The following CHFR variants were observed in gnomAD, a reference collection of about 807,000 sequenced individuals.
CHFR encodes checkpoint with forkhead and ring finger domains.
CHFR carries 57 observed loss-of-function variants against 87.6 expected under a neutral mutation model. The ratio of observed to expected loss-of-function variants is 0.65; its 90% confidence interval spans 0.53 to 0.81. CHFR has a LOEUF of 0.81. CHFR is among the 30% of genes least tolerant of loss of function. The pLI is 0.00. For missense variants in CHFR, 797 were observed against 865.8 expected (o/e 0.92, Z 1.00); for synonymous variants, 381 against 359.2 (o/e 1.06, Z -0.69).
rs546533609 is a variant in CHFR at position 132,837,670 on chromosome 12, G to C, written c.*3884C>G. 3 of 152,326 alleles carry C rather than the reference G, an allele frequency of 2.0e-5. No individual in the cohort carries two copies. Among genetic ancestry groups the C allele is most frequent in the Non-Finnish European group, 2.9e-5 (2 of 68,126 alleles). The allele number at this position is 152,326 out of a possible 1,614,324, so 9.4% of individuals were successfully genotyped here. A position where few individuals can be genotyped will look rare whatever the true frequency, so the allele number is the denominator to read the frequency against. Reference sequence around the variant, plus strand: ...AGGCGTTTCTGGAGGTGGCTCCCCCGAAGATCACCCGGCTCCGTCCTGCTG... The same window carrying C: ...AGGCGTTTCTGGAGGTGGCTCCCCCCAAGATCACCCGGCTCCGTCCTGCTG... On this transcript the variant is annotated 3_prime_UTR_variant, in exon 18 of 18. Transcript: ENST00000450056.
At chr12:132,851,954 G>C (rs1950956217) in intron 11 of CHFR, among the ~76,000 whole-genome samples, 1 of 152,020 alleles carries the variant, frequency 6.6e-6, no homozygotes, top group Non-Finnish European at 1.5e-5. Flanking sequence ...TGATTTAGCA[G>C]CTGGAGCAAG....
Position 132,859,178 on chromosome 12 carries a change from T to G in CHFR, c.801A>C (p.Arg267Ser). ...NGQLLVAQPR[R>S]NAQTVHEDVR... ...CGTCCTCGTGGACGGTTTGGGCATT[T>G]CTACGCGGTTGTGCGACCAACAACT... The change falls in exon 8 of 18, where the codon AGA (arginine) becomes AGC (serine). Residue 267 changes from arginine to serine, a missense_variant. Arg to Ser is a moderately radical substitution (Grantham distance 110). Coordinates refer to ENST00000450056, the MANE Select transcript of CHFR (RefSeq NM_001161346.2). The G allele has an allele frequency of 6.2e-7, 1 of 1,614,052 alleles. No homozygotes were observed.
intron 3 of CHFR, among the ~76,000 whole-genome samples, chr12:132,877,281 A>T (rs1475964671): frequency 6.6e-6 from 1 of 152,180 alleles, no homozygotes; most frequent in Non-Finnish European, 1.5e-5. Context: ...CGGCTATACC[A>T]TATAGCCTAG....
At chr12:132,858,393 G>A (rs1342592046) in intron 8 of CHFR, among the ~76,000 whole-genome samples, 3 of 150,206 alleles carry the variant, frequency 2.0e-5, no homozygotes, top group Non-Finnish European at 4.4e-5. Context: ...AAACCACCCC[G>A]GGCTACATGG....
At position 132,859,138 on chromosome 12, in the gene CHFR, C is replaced by T; in HGVS notation, c.841G>A (p.Gly281Arg). 1 of 1,614,148 alleles carries T rather than the reference C, an allele frequency of 6.2e-7. No individual in the cohort carries two copies. The highest frequency in any genetic ancestry group is 8.5e-7 in the Non-Finnish European group (1 of 1,180,008). The change falls in exon 8 of 18, where the codon GGG (glycine) becomes AGG (arginine). Residue 281 changes from glycine to arginine, a missense_variant. Around this residue, in one of 2 missense-constraint regions of CHFR, gnomAD observed 597 missense variants for 601.2 expected, o/e 0.99. Coordinates refer to ENST00000450056, the MANE Select transcript of CHFR (RefSeq NM_001161346.2). Reference sequence around the variant, plus strand: ...GTCTCCTCCATCTTGTCTGGCTTCCCAGCCGCTGCTCTGACGTCCTCGTGG... The same window carrying T: ...GTCTCCTCCATCTTGTCTGGCTTCCTAGCCGCTGCTCTGACGTCCTCGTGG... ...TVHEDVRAAAGKPDKMEETLT... is the reference protein window; with the variant it reads ...TVHEDVRAAARKPDKMEETLT...
At chr12:132,860,266 G>A (rs1212162187) in intron 7 of CHFR, among the ~76,000 whole-genome samples, 1 of 146,016 alleles carries the variant, frequency 6.8e-6, no homozygotes, top group African/African-American at 2.4e-5. Context: ...GAAAAACTCT[G>A]TCCTGAGACA....
In CHFR at chr12:132,859,139, A is replaced by G. The variant is rs1295926976; in HGVS notation, c.840T>C (p.Ala280=). Residue 280 remains alanine (A), a synonymous_variant, in exon 8 of 18, where the codon GCT becomes GCC. Transcript: ENST00000450056. ...TCTCCTCCATCTTGTCTGGCTTCCC[A>G]GCCGCTGCTCTGACGTCCTCGTGGA... ...QTVHEDVRAA[A]GKPDKMEETL... is the part of the protein sequence containing the mutation. The G allele has an allele frequency of 6.2e-7, 1 of 1,614,132 alleles. No individual in the cohort carries two copies. The highest frequency in any genetic ancestry group is 8.5e-7 in the Non-Finnish European group (1 of 1,179,998).
chr12:132,851,826 A>G (rs2136945611), intron 11 of CHFR, 89 bp from the exon 12 acceptor site: 2 of 1,473,628 alleles, frequency 1.4e-6, no homozygotes, highest in East Asian at 4.9e-5. Context: ...CACAGCGAGG[A>G]GAGGTGCACC....
chr12:132,847,322 T>TG lies in CHFR; in HGVS notation c.1648-193dup, dbSNP rs1386307369. 7.5e-6 allele frequency: 10 copies of TG among 1,338,526 alleles called. No individual in the cohort carries two copies. In the South Asian group the frequency reaches 1.4e-4, roughly 19 times the overall value. The allele number at this position is 1,338,526 out of a possible 1,614,324, so 82.9% of individuals were successfully genotyped here. ...CGAGAAGTCTTGTCCAAGAGCCTCC[T>TG]GGAAGTCCCAAAAGGTTCCAGTGTA... On this transcript the variant is annotated intron_variant, in intron 14 of 17. Transcript: ENST00000450056.
intron 14 of CHFR, 75 bp downstream of exon 14, chr12:132,848,010 G>A: frequency 6.2e-7 from 1 of 1,608,458 alleles, no homozygotes; most frequent in Non-Finnish European, 8.5e-7. Flanking sequence ...AACACCAATA[G>A]AATGCAGAGA....
Position 132,838,795 on chromosome 12 carries a change from A to G in CHFR, c.*2759T>C, listed in dbSNP as rs1950667618. ...ACGAGGAAGTACAGAAGCTCATGAA[A>G]AGACGGAATGAGTTCACGGCCACCT... On this transcript the variant is annotated 3_prime_UTR_variant, in exon 18 of 18. Transcript: ENST00000450056. The G allele has an allele frequency of 6.6e-6, 1 of 152,258 alleles. No homozygotes were observed. The highest frequency in any genetic ancestry group is 2.1e-4 in the South Asian group (1 of 4,832). The allele number at this position is 152,258 out of a possible 1,614,324, so 9.4% of individuals were successfully genotyped here. A position where few individuals can be genotyped will look rare whatever the true frequency, so the allele number is the denominator to read the frequency against.
rs540698247 is a variant in CHFR, at chr12:132,859,579, T to C, written c.752-352A>G. Reference sequence around the variant, plus strand: ...GTTAGCCAGGATGGTCTCAATCTCCTGACCTCGTGATCCACCCGCCTCGGC... The same window carrying C: ...GTTAGCCAGGATGGTCTCAATCTCCCGACCTCGTGATCCACCCGCCTCGGC... On this transcript the variant is annotated intron_variant, in intron 7 of 17. Coordinates refer to ENST00000450056, the MANE Select transcript of CHFR (RefSeq NM_001161346.2). Among the ~76,000 whole-genome samples the C allele has an allele frequency of 2.0e-4, 31 of 152,318 alleles. No homozygotes were observed. The East Asian group carries it at 5.8e-3, about 28-fold the overall frequency.
intron 6 of CHFR, among the ~76,000 whole-genome samples, chr12:132,868,414 A>G (rs1160282419): frequency 6.6e-6 from 1 of 151,686 alleles, no homozygotes; most frequent in African/African-American, 2.4e-5. Context: ...GCGTGGACCC[A>G]GGAGAATGGC....
At chr12:132,871,875 A>G (rs1292173974) in intron 4 of CHFR, 1 of 171,292 alleles carries the variant, frequency 5.8e-6, no homozygotes, top group Non-Finnish European at 1.2e-5. Flanking sequence ...TCTGGAGCTG[A>G]AAAAACTTAC....
chr12:132,876,364 T>C (rs1951631862), intron 3 of CHFR, among the ~76,000 whole-genome samples: 2 of 152,156 alleles, frequency 1.3e-5, no homozygotes, highest in Admixed American at 1.3e-4. Flanking sequence ...AATCCAAAAC[T>C]TTTTGAGCAC....
intron 2 of CHFR, among the ~76,000 whole-genome samples, chr12:132,879,353 T>C (rs61952811): frequency 0.011 from 1,743 of 151,780 alleles, 13 homozygotes; most frequent in Non-Finnish European, 0.018. Flanking sequence ...GATGCATCTA[T>C]AGCTGAATAC....
In CHFR at chr12:132,877,633, C is replaced by T. The variant is rs1951658569; in HGVS notation, c.155G>A (p.Ser52Asn). ...GTGATCTCCAGAGACCAGTTTATTG[C>T]TGGGGAAGGAAAGGTCGCAACCTAA... ...RRRGCDLSFP[S>N]NKLVSGDHCR... Residue 52 changes from serine to asparagine, a missense_variant, in exon 3 of 18, where the codon AGC becomes AAC. This residue lies in a region of CHFR where 597 missense variants were observed against 601.2 expected (regional missense o/e 0.99). Transcript: ENST00000450056. 1.2e-6 allele frequency: 2 copies of T among 1,612,918 alleles called. No individual in the cohort carries two copies. The highest frequency in any genetic ancestry group is 4.5e-5 in the East Asian group (2 of 44,860).
intron 6 of CHFR, 141 bp downstream of exon 6, chr12:132,869,478 T>C (rs1197345270): frequency 4.3e-6 from 3 of 699,686 alleles, no homozygotes; most frequent in South Asian, 3.7e-5. Context: ...ACACACTCAA[T>C]ATTGACTCCT....
chr12:132,843,963 A>T, intron 16 of CHFR, 64 bp downstream of exon 16: 4 of 961,342 alleles, frequency 4.2e-6, no homozygotes, highest in Non-Finnish European at 6.5e-6. Context: ...AAAAAAAGAG[A>T]GGCAGAAGCC....
Sources: allele counts gnomAD v4.1 joint callset (sites outside exome capture counted in the v4.1 genomes callset), GRCh38; gene constraint gnomAD v4.1.1; regional missense constraint gnomAD v4.1.1; transcripts MANE v1.5; gene names NCBI Gene and HGNC (gene_info 2026-07-23, HGNC 2026-07-21).